IAPP: variants seen among roughly 807,000 people sequenced by gnomAD.
The protein encoded by IAPP is Islet amyloid polypeptide (diabetes-associated peptide; amylin).
Under a neutral mutation model 2.9 loss-of-function variants are expected in IAPP, and 4 were observed. That is an observed-to-expected ratio of 1.39 (90% CI 0.69 to 3.19). The LOEUF is 3.19. Ranked by LOEUF, IAPP falls within the 30% of genes most tolerant of loss-of-function variation. IAPP has a pLI of 0.01. For missense variants in IAPP, 114 were observed against 105.3 expected (o/e 1.08, Z -0.36); for synonymous variants, 40 against 42.1 (o/e 0.95, Z 0.19).
chr12:21,356,476 G>C (rs1277656902), intron 1 of IAPP, among the ~76,000 whole-genome samples: 1 of 151,376 alleles, frequency 6.6e-6, no homozygotes, highest in African/African-American at 2.4e-5. Context: ...GGCACAGTGG[G>C]ATACAAAAGA....
At chr12:21,370,523 C>T (rs1939706821), upstream of IAPP, among the ~76,000 whole-genome samples, 1 of 137,272 alleles carries the variant, frequency 7.3e-6, no homozygotes. Flanking sequence ...TGTTCCCCTT[C>T]CTGTGTCCAT....
At chr12:21,377,643 A>C (rs1376729608) in intron 2 of IAPP, among the ~76,000 whole-genome samples, 1 of 152,150 alleles carries the variant, frequency 6.6e-6, no homozygotes, top group Non-Finnish European at 1.5e-5. Flanking sequence ...CTTCATATAC[A>C]TGGAACCAAG....
intron 1 of IAPP, among the ~76,000 whole-genome samples, chr12:21,363,069 C>T (rs1352464084): frequency 6.6e-6 from 1 of 152,244 alleles, no homozygotes; most frequent in Admixed American, 6.5e-5. Flanking sequence ...CAGAACTCTC[C>T]ACCCCAAAAC....
Position 21,379,498 on chromosome 12 carries a change from T to C in IAPP, c.*1072T>C, listed in dbSNP as rs767041415. ...AGACTTCTGGAAACTCTTTGCTGTA[T>C]AAGAATTATTTCTTTTGTTTAACAA... On this transcript the variant is annotated 3_prime_UTR_variant, in exon 3 of 3. Coordinates refer to ENST00000240652, the MANE Select transcript of IAPP (RefSeq NM_000415.3). The C allele has an allele frequency of 6.6e-6, 1 of 152,250 alleles. No homozygotes were observed. Among genetic ancestry groups the C allele is most frequent in the Non-Finnish European group, 1.5e-5 (1 of 68,034 alleles). 9.4% of individuals were successfully genotyped at this position (152,250 alleles called of 1,614,324 possible).
chr12:21,368,687 T>C (rs1939569244), upstream of IAPP, among the ~76,000 whole-genome samples: 1 of 152,106 alleles, frequency 6.6e-6, no homozygotes, highest in African/African-American at 2.4e-5. Context: ...GGAAAGTAGG[T>C]AGGAATATAG....
At chr12:21,372,517 G>C (rs180959982), upstream of IAPP, among the ~76,000 whole-genome samples, 111 of 152,188 alleles carry the variant, frequency 7.3e-4, no homozygotes, top group African/African-American at 2.6e-3. Flanking sequence ...CAGCCATTGA[G>C]GTCACTTGGG....
chr12:21,363,443 G>A (rs1939099960), intron 1 of IAPP, among the ~76,000 whole-genome samples: 1 of 152,158 alleles, frequency 6.6e-6, no homozygotes, highest in East Asian at 1.9e-4. Context: ...AGACAAAGCA[G>A]GAGAGATCTT....
At chr12:21,370,021 G>T (rs1199538251), upstream of IAPP, among the ~76,000 whole-genome samples, 1 of 152,070 alleles carries the variant, frequency 6.6e-6, no homozygotes, top group African/African-American at 2.4e-5. Context: ...ATCATTCAAG[G>T]TGTTGTAACA....
At chr12:21,372,387 T>C (rs1325442891), upstream of IAPP, among the ~76,000 whole-genome samples, 5 of 152,190 alleles carry the variant, frequency 3.3e-5, no homozygotes, top group Admixed American at 3.3e-4. Context: ...GGTCTTCCAT[T>C]ACTCTTATGC....
intron 1 of IAPP, among the ~76,000 whole-genome samples, chr12:21,362,845 C>CCTAAATA (rs1357336495): frequency 6.6e-6 from 1 of 152,178 alleles, no homozygotes; most frequent in Admixed American, 6.5e-5. Context: ...GAAGAGCTAA[C>CCTAAATA]TATCCTAAAT....
Position 21,375,927 on chromosome 12 carries a change from G to A in IAPP, c.81-2310G>A, listed in dbSNP as rs181820811. ...ATGAGAAAAAAATGCCTGAAACCAG[G>A]GAGGTAATGCCTTTTATTAACCATT... On this transcript the variant is annotated intron_variant, in intron 2 of 2. Transcript: ENST00000240652. Among the ~76,000 whole-genome samples the A allele has an allele frequency of 3.1e-3, 468 of 152,146 alleles. 6 individuals carry two copies. The highest frequency in any genetic ancestry group is 0.011 in the African/African-American group (450 of 41,520).
chr12:21,364,113 A>G (rs574067804), intron 1 of IAPP, among the ~76,000 whole-genome samples: 339 of 152,326 alleles, frequency 2.2e-3, no homozygotes, highest in South Asian at 4.4e-3. Context: ...ATTTTAGACC[A>G]ATATCCCTGA....
At position 21,378,183 on chromosome 12, in the gene IAPP, G is replaced by C; in HGVS notation, c.81-54G>C. ...CAAGATATTTGATGTCACATGGCTG[G>C]ATCCAGCTAAAATTCTAAGGCTCTA... On this transcript the variant is annotated intron_variant, in intron 2 of 2. Coordinates refer to ENST00000240652, the MANE Select transcript of IAPP (RefSeq NM_000415.3). 4 of 1,498,952 alleles carry C rather than the reference G, an allele frequency of 2.7e-6. 1 individual carries two copies. The highest frequency in any genetic ancestry group is 3.7e-6 in the Non-Finnish European group (4 of 1,076,118). The allele number at this position is 1,498,952 out of a possible 1,614,324, so 92.9% of individuals were successfully genotyped here.
rs571429773 is a variant in IAPP at position 21,366,196 on chromosome 12, A to C, written c.-15-7141A>C. Among the ~76,000 whole-genome samples the C allele has an allele frequency of 3.9e-5, 6 of 152,348 alleles. 1 individual carries two copies. The South Asian group carries it at 6.2e-4, about 16-fold the overall frequency. On this transcript the variant is annotated intron_variant, in intron 1 of 2. Transcript: ENST00000539393. The stretch of plus-strand genomic sequence containing the variant: ...TGGATTAAGAAAATGTGGCACATAT[A>C]CACCATGGAACATTATGCAGCCATA...
intron 1 of IAPP, among the ~76,000 whole-genome samples, chr12:21,359,451 C>T (rs1295435841): frequency 2.0e-5 from 3 of 151,990 alleles, no homozygotes; most frequent in African/African-American, 7.3e-5. Flanking sequence ...ACCACAAATA[C>T]TGATATTTGG....
In IAPP at chr12:21,379,539, C is replaced by T. The variant is rs1940453250; in HGVS notation, c.*1113C>T. Reference sequence around the variant, plus strand: ...TGTTTAACAAATTAGACATTTCTGGCAGAGGTTATGTATATGATACACTTT... The same window carrying T: ...TGTTTAACAAATTAGACATTTCTGGTAGAGGTTATGTATATGATACACTTT... On this transcript the variant is annotated 3_prime_UTR_variant, in exon 3 of 3. Transcript: ENST00000240652. The T allele has an allele frequency of 6.6e-6, 1 of 152,128 alleles. No homozygotes were observed. The highest frequency in any genetic ancestry group is 2.4e-5 in the African/African-American group (1 of 41,422). 9.4% of individuals were successfully genotyped at this position (152,128 alleles called of 1,614,324 possible). A position where few individuals can be genotyped will look rare whatever the true frequency, so the allele number is the denominator to read the frequency against.
At chr12:21,359,547 C>G (rs1938646889) in intron 1 of IAPP, among the ~76,000 whole-genome samples, 1 of 152,136 alleles carries the variant, frequency 6.6e-6, no homozygotes, top group South Asian at 2.1e-4. Flanking sequence ...ATGCATGTAA[C>G]ACCCAATCAA....
At position 21,378,218 on chromosome 12, in the gene IAPP, A is replaced by C. The variant is rs970215144; in HGVS notation, c.81-19A>C. 6.2e-7 allele frequency: 1 copy of C among 1,612,726 alleles called. No homozygotes were observed. Among genetic ancestry groups the C allele is most frequent in the African/African-American group, 1.3e-5 (1 of 74,914 alleles). ...AAATTCTAAGGCTCTAACTTTTCAC[A>C]TTTGTTCCATGTTACCAGTCATCAG... On this transcript the variant is annotated intron_variant, in intron 2 of 2. Coordinates refer to ENST00000240652, the MANE Select transcript of IAPP (RefSeq NM_000415.3).
chr12:21,364,584 A>G (rs1316194370), intron 1 of IAPP, among the ~76,000 whole-genome samples: 2 of 152,214 alleles, frequency 1.3e-5, no homozygotes, highest in Non-Finnish European at 2.9e-5. Flanking sequence ...AGGGTATTCA[A>G]TTAGGAAAAG....
Sources: gnomAD v4.1 joint callset for allele counts (sites outside exome capture counted in the v4.1 genomes callset) on GRCh38, gnomAD v4.1.1 for gene constraint, MANE v1.5 for transcripts, NCBI Gene and HGNC (gene_info 2026-07-23, HGNC 2026-07-21) for gene names.